The following DMD variants were observed in gnomAD, a reference collection of about 807,000 sequenced individuals.
DMD encodes the protein dystrophin.
A neutral mutation model predicts 330.1 loss-of-function variants in DMD; 63 were observed. That is an observed-to-expected ratio of 0.19 (90% CI 0.16 to 0.24). The LOEUF (loss-of-function observed/expected upper bound fraction) is 0.24. Ranked by LOEUF, DMD falls within the 10% of genes least tolerant of loss-of-function variation. DMD has a pLI of 1.00. For missense variants in DMD, 3,344 were observed against 2,684.1 expected (o/e 1.25, Z -5.43); for synonymous variants, 1,223 against 959.8 (o/e 1.27, Z -5.07).
At chrX:32,440,872 G>A (rs189731571) in intron 28 of DMD, among the ~76,000 whole-genome samples, 3 of 111,228 alleles carry the variant, frequency 2.7e-5, no homozygotes, top group Non-Finnish European at 1.9e-5. Flanking sequence ...AAAGCAGTGA[G>A]TTTGTTTATT....
intron 2 of DMD, among the ~76,000 whole-genome samples, chrX:32,890,398 G>T (rs747531379): frequency 1.9e-5 from 2 of 104,172 alleles, no homozygotes; most frequent in Non-Finnish European, 3.9e-5. Context: ...GGAAGGAAAG[G>T]CCAGTCTATT....
chrX:33,329,897 C>T (rs776464565), intron 1 of DMD, among the ~76,000 whole-genome samples: 4 of 111,106 alleles, frequency 3.6e-5, no homozygotes, highest in Non-Finnish European at 5.7e-5. Flanking sequence ...TTTATATATT[C>T]GTGTTATAGT....
At chrX:31,281,879 CT>C (rs1408389724) in intron 62 of DMD, among the ~76,000 whole-genome samples, 1 of 111,872 alleles carries the variant, frequency 8.9e-6, no homozygotes, top group Non-Finnish European at 1.9e-5. Context: ...AAATATTTAC[CT>C]AAAAAGCAAG....
intron 1 of DMD, among the ~76,000 whole-genome samples, chrX:33,152,581 G>A (rs2048332396): frequency 9.1e-6 from 1 of 109,606 alleles, no homozygotes; most frequent in Non-Finnish European, 1.9e-5. Context: ...TTGTATATCA[G>A]CGTGTATTAA....
chrX:32,406,757 G>T (rs904924786), intron 30 of DMD, among the ~76,000 whole-genome samples: 1 of 111,020 alleles, frequency 9.0e-6, no homozygotes, highest in South Asian at 3.8e-4. Context: ...AAACAGCATG[G>T]TACTGGTACC....
At chrX:31,352,196 C>G (rs2058464557) in intron 60 of DMD, among the ~76,000 whole-genome samples, 1 of 106,650 alleles carries the variant, frequency 9.4e-6, no homozygotes, top group Non-Finnish European at 2.0e-5. Context: ...AATTCCTGGT[C>G]TTGAAGAATG....
chrX:31,609,584 T>C (rs934899167), intron 55 of DMD, among the ~76,000 whole-genome samples: 1 of 111,892 alleles, frequency 8.9e-6, no homozygotes, highest in East Asian at 2.8e-4. Flanking sequence ...TCTCATCTCG[T>C]CTTTCAAATT....
chrX:32,241,135 G>T (rs1359392295), intron 43 of DMD, among the ~76,000 whole-genome samples: 1 of 112,137 alleles, frequency 8.9e-6, no homozygotes, highest in Admixed American at 9.4e-5. Context: ...TTGGGAGAGA[G>T]AGAAGATAAA....
At chrX:31,668,959 A>C (rs1284176897) in intron 53 of DMD, among the ~76,000 whole-genome samples, 5 of 112,600 alleles carry the variant, frequency 4.4e-5, no homozygotes, top group African/African-American at 1.6e-4. Flanking sequence ...TTAAGGCTGA[A>C]TAATACTCCA....
intron 1 of DMD, among the ~76,000 whole-genome samples, chrX:33,285,542 A>G (rs757376173): frequency 8.9e-6 from 1 of 112,120 alleles, no homozygotes; most frequent in East Asian, 2.8e-4. Context: ...AACACACTAA[A>G]CAAGAGATAT....
chrX:32,452,726 A>T (rs773199102), intron 26 of DMD, among the ~76,000 whole-genome samples: 2 of 110,698 alleles, frequency 1.8e-5, no homozygotes, highest in East Asian at 5.7e-4. Context: ...GACCTCCCCA[A>T]AGTCAAATTT....
intron 47 of DMD, among the ~76,000 whole-genome samples, chrX:31,925,871 C>CAAAAAA (rs1234308714): frequency 2.4e-5 from 1 of 41,273 alleles, no homozygotes; most frequent in African/African-American, 8.3e-5. Context: ...AACTCTGTCT[C>CAAAAAA]AAAAAAAAAA....
intron 2 of DMD, among the ~76,000 whole-genome samples, chrX:32,994,903 T>C (rs2093075118): frequency 8.9e-6 from 1 of 112,264 alleles, no homozygotes; most frequent in African/African-American, 3.2e-5. Flanking sequence ...ACCTGAGCTA[T>C]GGAGTCTGAG....
intron 55 of DMD, among the ~76,000 whole-genome samples, chrX:31,564,782 C>T (rs1362347560): frequency 8.9e-6 from 1 of 111,953 alleles, no homozygotes; most frequent in Non-Finnish European, 1.9e-5. Flanking sequence ...ACATAGACCT[C>T]TATCTTTCCC....
At chrX:33,057,857 C>A (rs1298193189) in intron 1 of DMD, among the ~76,000 whole-genome samples, 3 of 110,846 alleles carry the variant, frequency 2.7e-5, no homozygotes, top group African/African-American at 9.9e-5. Flanking sequence ...CACGGATATA[C>A]CCAATTTTTG....
At chrX:33,276,982 T>A (rs954297342) in intron 1 of DMD, among the ~76,000 whole-genome samples, 1 of 112,166 alleles carries the variant, frequency 8.9e-6, no homozygotes, top group East Asian at 2.8e-4. Flanking sequence ...TACGTATACA[T>A]TTGTGTGTGT....
intron 6 of DMD, among the ~76,000 whole-genome samples, chrX:32,813,565 G>A (rs1304893851): frequency 1.8e-5 from 2 of 111,658 alleles, no homozygotes; most frequent in African/African-American, 3.3e-5. Context: ...AATAATAATT[G>A]TTTAAAAACA....
At chrX:32,616,324 T>A (rs1212299296) in intron 11 of DMD, among the ~76,000 whole-genome samples, 1 of 111,041 alleles carries the variant, frequency 9.0e-6, no homozygotes, top group Non-Finnish European at 1.9e-5. Flanking sequence ...TCCCTCTCCG[T>A]GAGGGCAGAG....
rs755229956 is a variant in DMD, at chrX:32,844,904, C to T, written c.187-44G>A. 13 of 1,004,471 alleles carry T rather than the reference C, an allele frequency of 1.3e-5. No homozygotes were observed. In the Admixed American group the frequency reaches 1.3e-4, roughly 10 times the overall value. The allele number at this position is 1,004,471 out of a possible 1,213,427, so 82.8% of individuals were successfully genotyped here. A position where few individuals can be genotyped will look rare whatever the true frequency, so the allele number is the denominator to read the frequency against. ...AGTGTTCACTGACCAGCAGAGAGAC[C>T]GACAATCTACTAGAAATGAAACCAT... On this transcript the variant is annotated intron_variant, in intron 3 of 78. Transcript: ENST00000357033.
Sources: gnomAD v4.1 joint callset for allele counts (sites outside exome capture counted in the v4.1 genomes callset) on GRCh38, gnomAD v4.1.1 for gene constraint, MANE v1.5 for transcripts, NCBI Gene and HGNC (gene_info 2026-07-23, HGNC 2026-07-21) for gene names.